INTS9: variants seen among roughly 807,000 people sequenced by gnomAD.
INTS9 encodes integrator complex subunit 9.
INTS9 carries 55 observed loss-of-function variants against 79.7 expected under a neutral mutation model. The observed-to-expected ratio is 0.69, with a 90% CI of 0.56 to 0.86. INTS9 has a LOEUF of 0.86. INTS9 is among the 40% of genes least tolerant of loss of function. The probability of loss-of-function intolerance (pLI) is 0.00; values close to 1 mark genes in which losing one functional copy is unlikely to be tolerated. For synonymous variants in INTS9, 319 were observed against 325.2 expected (o/e 0.98, Z 0.20); for missense variants, 721 against 831.5 (o/e 0.87, Z 1.64).
At chr8:28,773,452 AG>A (rs1470714757) in intron 14 of INTS9, among the ~76,000 whole-genome samples, 3 of 111,934 alleles carry the variant, frequency 2.7e-5, no homozygotes, top group Admixed American at 8.9e-5. Flanking sequence ...TGACAGAGCG[AG>A]ACTCCGTCTC....
Position 28,795,554 on chromosome 8 carries a change from C to T in INTS9, c.856+990G>A, listed in dbSNP as rs529395473. Among the ~76,000 whole-genome samples, 11 of 143,752 alleles carry T rather than the reference C, an allele frequency of 7.7e-5. No homozygotes were observed. The East Asian group carries it at 2.1e-3, about 27-fold the overall frequency. The allele number at this position is 143,752 out of a possible 152,430, so 94.3% of individuals were successfully genotyped here. On this transcript the variant is annotated intron_variant, in intron 9 of 16. Transcript: ENST00000521022. ...ACTCGGGAGGCTGAAGCAGGAGAAT[C>T]GCTTGAACCTGGGAGGCGGAGGTTG...
At chr8:28,861,673 CCTT>C (rs1808467789) in intron 1 of INTS9, among the ~76,000 whole-genome samples, 3 of 152,162 alleles carry the variant, frequency 2.0e-5, no homozygotes, top group African/African-American at 7.2e-5. Context: ...TTGTCTTCCT[CCTT>C]AATTCTAAAT....
At chr8:28,782,236 T>A (rs1375352359) in intron 11 of INTS9, among the ~76,000 whole-genome samples, 2 of 152,228 alleles carry the variant, frequency 1.3e-5, no homozygotes, top group Non-Finnish European at 2.9e-5. Flanking sequence ...TCTTCCTTTA[T>A]AAGCTGCCTG....
intron 1 of INTS9, among the ~76,000 whole-genome samples, chr8:28,864,444 G>C: frequency 6.6e-6 from 1 of 152,270 alleles, no homozygotes. Context: ...AGAAGGATTG[G>C]TGAGCAAATA....
intron 14 of INTS9, among the ~76,000 whole-genome samples, chr8:28,773,726 T>A (rs996366058): frequency 6.6e-6 from 1 of 151,966 alleles, no homozygotes; most frequent in Non-Finnish European, 1.5e-5. Context: ...TTCATCATGT[T>A]GGCCAGGCTG....
chr8:28,829,575 GTTTTC>G (rs1806351814), intron 6 of INTS9, among the ~76,000 whole-genome samples: 2 of 152,080 alleles, frequency 1.3e-5, no homozygotes, highest in South Asian at 2.1e-4. Context: ...CTAATTTACT[GTTTTC>G]TTTAGTTGAT....
chr8:28,789,171 C>T (rs1002956849), intron 10 of INTS9, among the ~76,000 whole-genome samples: 4 of 152,106 alleles, frequency 2.6e-5, no homozygotes, highest in African/African-American at 9.7e-5. Flanking sequence ...CTCAGGGAGA[C>T]AAATATAAGA....
chr8:28,871,858 G>A (rs1212016350), intron 1 of INTS9, among the ~76,000 whole-genome samples: 2 of 151,948 alleles, frequency 1.3e-5, no homozygotes, highest in African/African-American at 4.8e-5. Context: ...ATAAAACCAA[G>A]ACAAAAAATT....
chr8:28,771,495 C>G (rs1473039175), intron 14 of INTS9, among the ~76,000 whole-genome samples: 1 of 152,200 alleles, frequency 6.6e-6, no homozygotes, highest in Admixed American at 6.5e-5. Context: ...CTGGGTTTAG[C>G]TGCATGGTTT....
chr8:28,859,076 G>A (rs1808318136), intron 2 of INTS9, among the ~76,000 whole-genome samples: 1 of 151,640 alleles, frequency 6.6e-6, no homozygotes, highest in African/African-American at 2.4e-5. Context: ...ATGCTGTTAA[G>A]TCTCTGCAAA....
At chr8:28,778,091 G>A (rs1803004407) in intron 12 of INTS9, 138 bp from the exon 13 acceptor site, 1 of 907,546 alleles carries the variant, frequency 1.1e-6, no homozygotes, top group Admixed American at 3.6e-5. Flanking sequence ...GGGGGACGGA[G>A]GTCAAAGGGG....
intron 2 of INTS9, among the ~76,000 whole-genome samples, chr8:28,852,292 CTCT>C (rs1175025507): frequency 2.4e-5 from 2 of 82,074 alleles, no homozygotes. Flanking sequence ...ACCTGATAAA[CTCT>C]TTTTTTTTTT....
intron 1 of INTS9, among the ~76,000 whole-genome samples, chr8:28,860,235 C>T (rs1808380612): frequency 6.6e-6 from 1 of 152,196 alleles, no homozygotes; most frequent in Non-Finnish European, 1.5e-5. Context: ...GGAGAGTGAA[C>T]ACAACACACT....
chr8:28,799,565 G>C (rs1804408954), intron 8 of INTS9: 1 of 152,138 alleles, frequency 6.6e-6, no homozygotes, highest in African/African-American at 2.4e-5. Context: ...GGCTTAAAAG[G>C]CTTTTAGTGA....
chr8:28,820,079 A>G (rs1383441795), intron 6 of INTS9, among the ~76,000 whole-genome samples: 1 of 152,234 alleles, frequency 6.6e-6, no homozygotes, highest in Non-Finnish European at 1.5e-5. Context: ...TGAATACAGC[A>G]CACTGATGGG....
At chr8:28,773,194 T>C (rs1023169644) in intron 14 of INTS9, among the ~76,000 whole-genome samples, 1 of 152,220 alleles carries the variant, frequency 6.6e-6, no homozygotes, top group Non-Finnish European at 1.5e-5. Flanking sequence ...CCAGGCGCAG[T>C]GGCTCACGCC....
chr8:28,785,895 T>A (rs1294471698), intron 11 of INTS9, among the ~76,000 whole-genome samples: 1 of 152,182 alleles, frequency 6.6e-6, no homozygotes, highest in African/African-American at 2.4e-5. Context: ...TTTCCTTATA[T>A]CTAACTCTGT....
intron 2 of INTS9, among the ~76,000 whole-genome samples, chr8:28,855,689 T>A (rs904456507): frequency 2.0e-5 from 3 of 152,236 alleles, no homozygotes; most frequent in African/African-American, 4.8e-5. Flanking sequence ...ATTACCATTT[T>A]TCTCTTTTGC....
At chr8:28,853,051 T>C (rs1410922224) in intron 2 of INTS9, among the ~76,000 whole-genome samples, 1 of 152,244 alleles carries the variant, frequency 6.6e-6, no homozygotes, top group Non-Finnish European at 1.5e-5. Context: ...CTTATTTTTT[T>C]GTTTTTAATG....
Sources: gnomAD v4.1 joint callset for allele counts (sites outside exome capture counted in the v4.1 genomes callset) on GRCh38, gnomAD v4.1.1 for gene constraint, MANE v1.5 for transcripts, NCBI Gene and HGNC (gene_info 2026-07-23, HGNC 2026-07-21) for gene names.